Variants in ACTA2 observed in about 807,000 individuals in gnomAD.
ACTA2 encodes actin, aortic smooth muscle.
In ACTA2, 12 loss-of-function variants were observed where a neutral mutation model predicts 39.5. That is an observed-to-expected ratio of 0.30 (90% CI 0.19 to 0.49). The LOEUF (loss-of-function observed/expected upper bound fraction) is 0.49, where lower values mean the gene tolerates loss of function less well. Among genes scored for constraint, ACTA2 ranks in the 20% least tolerant of loss-of-function variants. The pLI is 0.99. For missense variants in ACTA2, 236 were observed against 498.8 expected, an observed-to-expected ratio of 0.47 and a Z score of 5.02; for synonymous variants, 158 against 180.6, an observed-to-expected ratio of 0.88 and a Z score of 1.00.
chr10:88,990,791 G>A lies in ACTA2; in HGVS notation c.-24+148C>T, dbSNP rs778637136. 1 of 1,580,270 alleles carries A rather than the reference G, an allele frequency of 6.3e-7. No homozygotes were observed. Among genetic ancestry groups the A allele is most frequent in the Non-Finnish European group, 8.7e-7 (1 of 1,150,250 alleles). On this transcript the variant is annotated intron_variant, in intron 1 of 4. Transcript: ENST00000415557. This position sits in a 1 kb window ranked among gnomAD's most constrained non-coding sequence, Gnocchi z 4.9. ...GAGGCCAGCCCTGGCTGCCCAGGCG[G>A]AGCTGCCTCTTCTCCCGCGGGTTGG...
chr10:88,985,282 C>T (rs754859237), intron 1 of ACTA2, among the ~76,000 whole-genome samples: 7 of 152,160 alleles, frequency 4.6e-5, no homozygotes, highest in Non-Finnish European at 8.8e-5. Flanking sequence ...CTCTGTCCTT[C>T]ATAGGACAAG....
intron 3 of ACTA2, chr10:88,946,916 G>T (rs372874360): frequency 1.2e-3 from 130 of 112,830 alleles, no homozygotes; most frequent in Non-Finnish European, 1.4e-3. Context: ...AACAGTCCCC[G>T]GTGTGTGATG....
intron 1 of ACTA2, among the ~76,000 whole-genome samples, chr10:88,975,870 G>C (rs550644264): frequency 3.9e-5 from 6 of 152,226 alleles, no homozygotes; most frequent in African/African-American, 1.4e-4. Flanking sequence ...TCAGTATACA[G>C]TACTACTCCC....
At chr10:88,976,193 A>C (rs1323078361) in intron 1 of ACTA2, among the ~76,000 whole-genome samples, 1 of 152,172 alleles carries the variant, frequency 6.6e-6, no homozygotes, top group Non-Finnish European at 1.5e-5. Flanking sequence ...CACTAACTAT[A>C]GCTGATGAGC....
intron 1 of ACTA2, among the ~76,000 whole-genome samples, chr10:88,967,944 T>A (rs1846349802): frequency 6.6e-6 from 1 of 152,212 alleles, no homozygotes; most frequent in Non-Finnish European, 1.5e-5. Flanking sequence ...ATGATTATCA[T>A]ACTTCAAGTT....
chr10:88,979,643 A>C (rs1846660885), intron 1 of ACTA2, among the ~76,000 whole-genome samples: 1 of 152,012 alleles, frequency 6.6e-6, no homozygotes, highest in Admixed American at 6.6e-5. Context: ...ACATAACCTG[A>C]GAGATGGGGC....
intron 1 of ACTA2, among the ~76,000 whole-genome samples, chr10:88,984,631 G>A (rs1404136071): frequency 9.2e-5 from 14 of 151,704 alleles, no homozygotes; most frequent in Non-Finnish European, 1.9e-4. Flanking sequence ...ACTTCAAAAG[G>A]CTGATGTGGT....
At chr10:88,939,838 C>T (rs2133251093) in intron 6 of ACTA2, 140 bp from the exon 7 acceptor site, 1 of 887,340 alleles carries the variant, frequency 1.1e-6, no homozygotes, top group Non-Finnish European at 1.8e-6. Flanking sequence ...ATCCAAAATC[C>T]ACAATGATAA....
chr10:88,988,500 G>A (rs1474344603), intron 1 of ACTA2, among the ~76,000 whole-genome samples: 1 of 143,656 alleles, frequency 7.0e-6, no homozygotes, highest in Non-Finnish European at 1.5e-5. Context: ...GTGTTATTCA[G>A]AATGTTCAGA....
chr10:88,961,169 C>T (rs1262562397), intron 1 of ACTA2, among the ~76,000 whole-genome samples: 1 of 152,120 alleles, frequency 6.6e-6, no homozygotes, highest in South Asian at 2.1e-4. Flanking sequence ...ATATAAGTAG[C>T]ACTCATGGGT....
intron 1 of ACTA2, among the ~76,000 whole-genome samples, chr10:88,988,409 T>C (rs980326264): frequency 1.1e-4 from 14 of 123,684 alleles, no homozygotes; most frequent in Non-Finnish European, 2.3e-4. Context: ...GGTAAAAAGA[T>C]GTAGAAGTTT....
At position 88,935,096 on chromosome 10, in the gene ACTA2, T is replaced by G; in HGVS notation, c.*127A>C. ...AAGTTACCAGTAGCCTATTTCAGAT[T>G]TATTAAAAAACACATAGGTAACGAG... On this transcript the variant is annotated 3_prime_UTR_variant, in exon 9 of 9. Transcript: ENST00000224784. 1 of 1,361,594 alleles carries G rather than the reference T, an allele frequency of 7.3e-7. No individual in the cohort carries two copies. The highest frequency in any genetic ancestry group is 1.0e-6 in the Non-Finnish European group (1 of 975,912). 84.3% of individuals were successfully genotyped at this position (1,361,594 alleles called of 1,614,324 possible).
intron 1 of ACTA2, among the ~76,000 whole-genome samples, chr10:88,958,842 T>A (rs184581379): frequency 6.6e-6 from 1 of 152,238 alleles, no homozygotes; most frequent in East Asian, 1.9e-4. Flanking sequence ...ACCCGACGGG[T>A]TTCCTCGGTC....
intron 1 of ACTA2, among the ~76,000 whole-genome samples, chr10:88,980,541 A>G (rs1374773774): frequency 6.8e-6 from 1 of 147,062 alleles, no homozygotes; most frequent in Non-Finnish European, 1.5e-5. Flanking sequence ...GAGTCCAGGA[A>G]GGCAAGGAAT....
At chr10:88,941,052 G>A (rs560768882) in intron 6 of ACTA2, 177 bp downstream of exon 6, 3 of 745,114 alleles carry the variant, frequency 4.0e-6, no homozygotes, top group Non-Finnish European at 2.3e-6. Context: ...AGGAAATAGT[G>A]TAATCATTTT....
At chr10:88,936,844 A>T (rs1195525498) in intron 8 of ACTA2, among the ~76,000 whole-genome samples, 2 of 152,162 alleles carry the variant, frequency 1.3e-5, no homozygotes, top group Admixed American at 1.3e-4. Flanking sequence ...CATTTTTGCC[A>T]AATGTTATCA....
chr10:88,968,418 TGTTTGTTTTCC>T (rs1846360901), intron 1 of ACTA2, among the ~76,000 whole-genome samples: 2 of 152,006 alleles, frequency 1.3e-5, no homozygotes, highest in African/African-American at 4.8e-5. Context: ...ATTAAAACCA[TGTTTGTTTTCC>T]TGAATCCATG....
At chr10:88,983,954 C>CT (rs1200969379) in intron 1 of ACTA2, among the ~76,000 whole-genome samples, 1 of 150,800 alleles carries the variant, frequency 6.6e-6, no homozygotes, top group African/African-American at 2.4e-5. Context: ...CTTAGGCTGC[C>CT]TAGTTATCCT....
At chr10:88,970,337 G>A (rs1846405394) in intron 1 of ACTA2, among the ~76,000 whole-genome samples, 1 of 152,004 alleles carries the variant, frequency 6.6e-6, no homozygotes, top group African/African-American at 2.4e-5. Flanking sequence ...TGACCTGATT[G>A]TCTGTCCTCT....
Sources: gnomAD v4.1 joint callset for allele counts (sites outside exome capture counted in the v4.1 genomes callset) on GRCh38, gnomAD v4.1.1 for gene constraint, Gnocchi (gnomAD v3.1) non-coding constraint, MANE v1.5 for transcripts, NCBI Gene and HGNC (gene_info 2026-07-23, HGNC 2026-07-21) for gene names.